The following LRP1B variants were observed in gnomAD, a reference collection of about 807,000 sequenced individuals.
The protein encoded by LRP1B is low-density lipoprotein receptor-related protein 1B.
In LRP1B, 217 loss-of-function variants were observed where a neutral mutation model predicts 556.6. That is an observed-to-expected ratio of 0.39 (90% CI 0.35 to 0.44). LRP1B has a LOEUF of 0.44. LRP1B is among the 20% of genes least tolerant of loss of function. LRP1B has a pLI of 1.00. For synonymous variants in LRP1B, 2,047 were observed against 1,865.8 expected (o/e 1.10, Z -2.50); for missense variants, 5,053 against 5,620.8 (o/e 0.90, Z 3.23).
At chr2:141,012,000 A>G (rs1418639105) in intron 14 of LRP1B, among the ~76,000 whole-genome samples, 1 of 152,080 alleles carries the variant, frequency 6.6e-6, no homozygotes, top group Non-Finnish European at 1.5e-5. Context: ...GCACAGTGCT[A>G]TGTAAGTTCT....
chr2:140,271,781 A>G (rs1682473262), intron 85 of LRP1B, among the ~76,000 whole-genome samples: 1 of 151,944 alleles, frequency 6.6e-6, no homozygotes, highest in African/African-American at 2.4e-5. Context: ...GAGGCACCCT[A>G]ATATGGATGC....
chr2:140,342,013 A>G (rs970044412), intron 77 of LRP1B, among the ~76,000 whole-genome samples: 1 of 151,448 alleles, frequency 6.6e-6, no homozygotes, highest in African/African-American at 2.4e-5. Flanking sequence ...CTAAAAAACC[A>G]CGACGAGATC....
rs115489985 is a variant in LRP1B, at chr2:141,227,273, T to G, written c.850+1910A>C. Among the ~76,000 whole-genome samples the G allele has an allele frequency of 3.2e-3, 486 of 152,282 alleles. 1 individual carries two copies. The highest frequency in any genetic ancestry group is 0.011 in the African/African-American group (467 of 41,566). ...TTCTTAAGTACGCTCAGAAAATAAT[T>G]CTACTGCGCAACTTAGTGAATATTT... On this transcript the variant is annotated intron_variant, in intron 6 of 90. Coordinates refer to ENST00000389484, the MANE Select transcript of LRP1B (RefSeq NM_018557.3).
At chr2:140,353,466 A>T (rs1433488152) in intron 75 of LRP1B, among the ~76,000 whole-genome samples, 3 of 152,070 alleles carry the variant, frequency 2.0e-5, no homozygotes, top group Admixed American at 6.6e-5. Context: ...CCATTCACGC[A>T]AATAGACCTG....
At chr2:141,021,485 A>G (rs1698062426) in intron 11 of LRP1B, among the ~76,000 whole-genome samples, 1 of 151,908 alleles carries the variant, frequency 6.6e-6, no homozygotes, top group Admixed American at 6.6e-5. Context: ...AAGAAGTTTA[A>G]TTTTGCCTTC....
rs2105397188 is a variant in LRP1B at position 141,020,078 on chromosome 2, G to A, written c.1814C>T (p.Ala605Val). 1.1e-5 allele frequency: 17 copies of A among 1,605,788 alleles called. No homozygotes were observed. Among genetic ancestry groups the A allele is most frequent in the Non-Finnish European group, 1.4e-5 (16 of 1,175,322 alleles). Residue 605 changes from alanine (A) to valine (V), a missense_variant, in exon 12 of 91, where the codon GCT becomes GTT. Physicochemically the swap from Ala to Val is moderately conservative, Grantham distance 64. Transcript: ENST00000389484. The part of the protein sequence containing the change: ...KDDLDNVEGI[A>V]VDWIGNNLYW... ...AAGATTATTTCCAATCCAGTCCACA[G>A]CAATGCCCTCTACATTATCCAGATC...
intron 66 of LRP1B, among the ~76,000 whole-genome samples, chr2:140,409,992 G>A (rs1191613317): frequency 6.6e-6 from 1 of 151,790 alleles, no homozygotes; most frequent in Non-Finnish European, 1.5e-5. Context: ...CAAAAACATG[G>A]TTGCCTTCGC....
chr2:140,635,652 CTATACTA>C (rs547124191), intron 41 of LRP1B, among the ~76,000 whole-genome samples: 4,429 of 151,872 alleles, frequency 0.029, 96 homozygotes, highest in South Asian at 0.049. Flanking sequence ...GTTTTATGTC[CTATACTA>C]TATACTATAT....
intron 1 of LRP1B, among the ~76,000 whole-genome samples, chr2:141,882,182 G>A (rs912900909): frequency 2.0e-5 from 3 of 152,108 alleles, no homozygotes; most frequent in Non-Finnish European, 4.4e-5. Context: ...ATAGAGGTGG[G>A]TGAGAAATTC....
chr2:141,008,467 G>T (rs1447856886), intron 14 of LRP1B, among the ~76,000 whole-genome samples: 2 of 150,778 alleles, frequency 1.3e-5, no homozygotes, highest in East Asian at 3.9e-4. Context: ...CTCCAAAATT[G>T]TGCTCTCAAA....
At chr2:141,238,538 C>T (rs956977392) in intron 5 of LRP1B, among the ~76,000 whole-genome samples, 10 of 151,962 alleles carry the variant, frequency 6.6e-5, no homozygotes, top group South Asian at 6.2e-4. Flanking sequence ...TAGATGCTAG[C>T]AATACAACAG....
At chr2:141,842,317 C>T (rs1312066415) in intron 1 of LRP1B, among the ~76,000 whole-genome samples, 2 of 151,932 alleles carry the variant, frequency 1.3e-5, no homozygotes, top group Non-Finnish European at 2.9e-5. Flanking sequence ...TGAGATTTGT[C>T]TACCACAGAG....
chr2:141,691,247 C>G (rs1238833830), intron 2 of LRP1B, among the ~76,000 whole-genome samples: 1 of 151,740 alleles, frequency 6.6e-6, no homozygotes, highest in African/African-American at 2.4e-5. Context: ...CTAGGAATGA[C>G]TCCTCTATTT....
chr2:140,454,623 A>G (rs1381800464), intron 62 of LRP1B, among the ~76,000 whole-genome samples: 1 of 152,194 alleles, frequency 6.6e-6, no homozygotes, highest in Non-Finnish European at 1.5e-5. Flanking sequence ...TAAAAATTAT[A>G]AATATTTTAG....
intron 1 of LRP1B, among the ~76,000 whole-genome samples, chr2:142,028,572 AG>A (rs1489610565): frequency 2.6e-5 from 4 of 151,998 alleles, no homozygotes; most frequent in Non-Finnish European, 4.4e-5. Context: ...TCTGTTGATC[AG>A]TTGATGGACA....
intron 2 of LRP1B, among the ~76,000 whole-genome samples, chr2:141,573,362 T>G (rs190892803): frequency 9.3e-4 from 142 of 152,086 alleles, no homozygotes; most frequent in Non-Finnish European, 1.2e-3. Context: ...AATAATGAAA[T>G]TAAGGCAAAA....
At chr2:140,300,389 C>T (rs926086621) in intron 83 of LRP1B, among the ~76,000 whole-genome samples, 3 of 152,044 alleles carry the variant, frequency 2.0e-5, no homozygotes, top group East Asian at 3.9e-4. Flanking sequence ...CACCCTAAGA[C>T]GTTGGATTGG....
intron 11 of LRP1B, among the ~76,000 whole-genome samples, chr2:141,041,243 A>C (rs1011389351): frequency 6.6e-6 from 1 of 152,096 alleles, no homozygotes; most frequent in African/African-American, 2.4e-5. Context: ...AGGAGCACAG[A>C]CTCTGCCAGT....
chr2:141,724,350 T>C (rs546175020), intron 2 of LRP1B, among the ~76,000 whole-genome samples: 3 of 151,962 alleles, frequency 2.0e-5, no homozygotes, highest in Non-Finnish European at 4.4e-5. Flanking sequence ...CCTACCACCA[T>C]GTAGCTGCTG....
Sources: gnomAD v4.1 joint callset for allele counts (sites outside exome capture counted in the v4.1 genomes callset) on GRCh38, gnomAD v4.1.1 for gene constraint, MANE v1.5 for transcripts, NCBI Gene and HGNC (gene_info 2026-07-23, HGNC 2026-07-21) for gene names.